Variants in REV1 observed in about 807,000 individuals in gnomAD.
The protein encoded by REV1 is translesion synthesis protein REV1.
REV1 carries 42 observed loss-of-function variants against 137.4 expected under a neutral mutation model. The observed-to-expected ratio is 0.31, with a 90% CI of 0.24 to 0.40. REV1 has a LOEUF of 0.40. Ranked by LOEUF, REV1 falls within the 10% of genes least tolerant of loss-of-function variation. The probability of loss-of-function intolerance (pLI) is 1.00; values close to 1 mark genes in which losing one functional copy is unlikely to be tolerated. For missense variants in REV1, 1,282 were observed against 1,490.1 expected (o/e 0.86, Z 2.30); for synonymous variants, 524 against 519.2 (o/e 1.01, Z -0.12).
chr2:99,471,500 T>A (rs940031713), intron 1 of REV1, among the ~76,000 whole-genome samples: 3 of 152,118 alleles, frequency 2.0e-5, no homozygotes, highest in Admixed American at 6.5e-5. Context: ...AAAAGCTTCA[T>A]GACACTGGAT....
At chr2:99,457,786 C>T (rs1306444184) in intron 3 of REV1, among the ~76,000 whole-genome samples, 1 of 151,862 alleles carries the variant, frequency 6.6e-6, no homozygotes, top group African/African-American at 2.4e-5. Context: ...TACCTGATAT[C>T]AAGGCTTACC....
At chr2:99,405,190 A>T (rs1676103728) in intron 17 of REV1, 1 of 160,482 alleles carries the variant, frequency 6.2e-6, no homozygotes, top group Non-Finnish European at 1.3e-5. Flanking sequence ...TCTCTAACTT[A>T]CAGGACAGAA....
rs906540224 is a variant in REV1, at chr2:99,486,977, G to T, written c.-11+2840C>A. On this transcript the variant is annotated intron_variant, in intron 1 of 22. Coordinates refer to ENST00000258428, the MANE Select transcript of REV1 (RefSeq NM_016316.4). ...ATGCTATGGAGAAAAAGAGAATAAA[G>T]AATAAAAGATTATAAAGGAAGGGGC... 5.9e-5 allele frequency among the ~76,000 whole-genome samples: 9 copies of T among 152,060 alleles called. No homozygotes were observed. The East Asian group carries it at 1.7e-3, about 29-fold the overall frequency.
intron 10 of REV1, 132 bp downstream of exon 10, chr2:99,424,020 G>A (rs1679019404): frequency 1.1e-6 from 1 of 927,884 alleles, no homozygotes; most frequent in Middle Eastern, 3.4e-4. Context: ...CTGGGATGCT[G>A]AGGAGTGGTT....
chr2:99,451,417 T>C, intron 3 of REV1: 1 of 1,302,240 alleles, frequency 7.7e-7, no homozygotes, highest in Non-Finnish European at 1.0e-6. Flanking sequence ...GCCCTTCTAC[T>C]GGATGAAGTT....
At chr2:99,422,130 T>A (rs1245581430) in intron 10 of REV1, among the ~76,000 whole-genome samples, 8 of 152,182 alleles carry the variant, frequency 5.3e-5, no homozygotes, top group Non-Finnish European at 8.8e-5. Context: ...CACAGTTAAA[T>A]TCCACTCACT....
chr2:99,405,880 G>A (rs371395259), intron 17 of REV1, 30 bp downstream of exon 17: 2 of 1,397,834 alleles, frequency 1.4e-6, no homozygotes, highest in African/African-American at 1.5e-5. Context: ...AGTATAAAAT[G>A]TACTTATATT....
intron 9 of REV1, among the ~76,000 whole-genome samples, chr2:99,425,196 C>T (rs28382916): frequency 0.012 from 1,854 of 152,164 alleles, 24 homozygotes; most frequent in Non-Finnish European, 0.018. Context: ...AACGTATATA[C>T]AAACAGTTGC....
chr2:99,478,179 T>G (rs1686202160), intron 1 of REV1, among the ~76,000 whole-genome samples: 1 of 152,118 alleles, frequency 6.6e-6, no homozygotes, highest in Non-Finnish European at 1.5e-5. Context: ...GAGGTTGTAG[T>G]GAAACTGAGA....
At chr2:99,455,170 C>A (rs188436393) in intron 3 of REV1, among the ~76,000 whole-genome samples, 2 of 152,314 alleles carry the variant, frequency 1.3e-5, no homozygotes, top group East Asian at 3.9e-4. Flanking sequence ...GTTGACTGTG[C>A]TATATAAATC....
chr2:99,490,085 C>CGGCCCCGCCCACGCCCCCTCCG (rs1687559475), upstream of REV1: 2 of 144,548 alleles, frequency 1.4e-5, no homozygotes, highest in Non-Finnish European at 3.0e-5. Flanking sequence ...CGCGCGCTCC[C>CGGCCCCGCCCACGCCCCCTCCG]CGGCCCCGCT....
chr2:99,466,696 G>A (rs551492984), intron 1 of REV1, among the ~76,000 whole-genome samples: 33 of 152,338 alleles, frequency 2.2e-4, no homozygotes, highest in Non-Finnish European at 3.5e-4. Context: ...AGTCCCAACA[G>A]AGAGACAAGA....
chr2:99,421,525 G>A lies in REV1; in HGVS notation c.1805C>T (p.Thr602Met), dbSNP rs370130836. The stretch of plus-strand genomic sequence containing the variant: ...AATTCCAACAGAGGCAGCACATTTC[G>A]TCTGGTCTTTGATTTCCATACGAAC... ...NAVRMEIKDQTKCAASVGIGS... is the reference protein window; with the variant it reads ...NAVRMEIKDQMKCAASVGIGS... The change falls in exon 11 of 23, where the codon ACG becomes ATG. Residue 602 changes from threonine to methionine, a missense_variant. By Grantham distance (81) the Thr-to-Met change is moderately conservative. Coordinates refer to ENST00000258428, the MANE Select transcript of REV1 (RefSeq NM_016316.4). 8.1e-6 allele frequency: 13 copies of A among 1,613,824 alleles called. No individual in the cohort carries two copies. Among genetic ancestry groups the A allele is most frequent in the African/African-American group, 1.3e-5 (1 of 74,898 alleles).
At chr2:99,482,930 T>A (rs1225645031) in intron 1 of REV1, among the ~76,000 whole-genome samples, 1 of 150,380 alleles carries the variant, frequency 6.6e-6, no homozygotes, top group Non-Finnish European at 1.5e-5. Context: ...GGCAGGACAA[T>A]CGCTTGAACC....
rs1470017199 is a variant in REV1 at position 99,442,488 on chromosome 2, C to G, written c.351-19G>C. On this transcript the variant is annotated intron_variant, in intron 4 of 22. Coordinates refer to ENST00000258428, the MANE Select transcript of REV1 (RefSeq NM_016316.4). ...TTTGATGCTGAAACAAAAAGCAACACCAATTTAGAGTTCCATACTTGGTGA... is the reference window on the plus strand; with the variant it reads ...TTTGATGCTGAAACAAAAAGCAACAGCAATTTAGAGTTCCATACTTGGTGA... 1.9e-6 allele frequency: 3 copies of G among 1,610,688 alleles called. No homozygotes were observed. Among genetic ancestry groups the G allele is most frequent in the Non-Finnish European group, 2.5e-6 (3 of 1,178,290 alleles).
At chr2:99,459,768 G>A (rs1359367136) in intron 3 of REV1, among the ~76,000 whole-genome samples, 1 of 152,048 alleles carries the variant, frequency 6.6e-6, no homozygotes, top group Non-Finnish European at 1.5e-5. Context: ...ATCTTAACAA[G>A]CAAAAAACAT....
chr2:99,402,668 T>C lies in REV1; in HGVS notation c.3517A>G (p.Arg1173Gly). 1 of 1,614,046 alleles carries C rather than the reference T, an allele frequency of 6.2e-7. No individual in the cohort carries two copies. The highest frequency in any genetic ancestry group is 8.5e-7 in the Non-Finnish European group (1 of 1,179,962). ...VEFNDVKTLL[R>G]EWITTISDPM... Reference sequence around the variant, plus strand: ...CCTGAAATTGTAGTTATCCATTCTCTGAGCAAGGTCTTCACATCATTGAAT... The same window carrying C: ...CCTGAAATTGTAGTTATCCATTCTCCGAGCAAGGTCTTCACATCATTGAAT... Residue 1173 changes from arginine (R) to glycine (G), a missense_variant, in exon 21 of 23, where the codon AGA becomes GGA. This residue lies in a region of REV1 where 170 missense variants were observed against 156.8 expected (regional missense o/e 1.08). Transcript: ENST00000258428.
At chr2:99,442,252 CAAA>C (rs3070575) in intron 5 of REV1, 62 bp downstream of exon 5, 10,691 of 531,122 alleles carry the variant, frequency 0.02, 3 homozygotes, top group South Asian at 0.036. Flanking sequence ...AACTCCATCT[CAAA>C]AAAAAAAAAA....
At chr2:99,475,677 ACT>A (rs199800438) in intron 1 of REV1, among the ~76,000 whole-genome samples, 1,675 of 147,698 alleles carry the variant, frequency 0.011, 8 homozygotes, top group Middle Eastern at 0.025. Context: ...ACAAAGCAAC[ACT>A]CTGTCTCAAA....
Sources: gnomAD v4.1 joint callset for allele counts (sites outside exome capture counted in the v4.1 genomes callset) on GRCh38, gnomAD v4.1.1 for gene constraint, gnomAD v4.1.1 regional missense constraint, MANE v1.5 for transcripts, NCBI Gene and HGNC (gene_info 2026-07-23, HGNC 2026-07-21) for gene names.